Variants in CMTM7 observed in about 807,000 individuals in gnomAD.
CMTM7 encodes the protein CKLF like MARVEL transmembrane domain containing 7, also known as CKLF-like MARVEL transmembrane domain-containing protein 7.
In CMTM7, 7 loss-of-function variants were observed where a neutral mutation model predicts 19.3. The ratio of observed to expected loss-of-function variants is 0.36; its 90% CI spans 0.21 to 0.68. The LOEUF (loss-of-function observed/expected upper bound fraction) is 0.68, where lower values mean the gene tolerates loss of function less well. Ranked by LOEUF, CMTM7 falls within the 30% of genes least tolerant of loss-of-function variation. The pLI, the probability that CMTM7 is intolerant of heterozygous loss-of-function variation, is 0.60. For missense variants in CMTM7, 193 were observed against 232.6 expected (o/e 0.83, Z 1.11); for synonymous variants, 87 against 99.3 (o/e 0.88, Z 0.74).
Position 32,454,872 on chromosome 3 carries a change from G to T in CMTM7, c.*618G>T. 1 of 208,328 alleles carries T rather than the reference G, an allele frequency of 4.8e-6. No homozygotes were observed. Among genetic ancestry groups the T allele is most frequent in the South Asian group, 6.9e-5 (1 of 14,598 alleles). The allele number at this position is 208,328 out of a possible 1,614,324, so 12.9% of individuals were successfully genotyped here. ...AGGATTTCTTATTGAACCAGATGAA[G>T]GCTGTAAAACCTGGCCTGAAACAGT... On this transcript the variant is annotated 3_prime_UTR_variant, in exon 5 of 5. Coordinates refer to ENST00000334983, the MANE Select transcript of CMTM7 (RefSeq NM_138410.4).
At chr3:32,428,783 A>G (rs1696471200) in intron 1 of CMTM7, among the ~76,000 whole-genome samples, 2 of 152,170 alleles carry the variant, frequency 1.3e-5, no homozygotes, top group Admixed American at 6.5e-5. Context: ...ATTGCTCCAG[A>G]AGGTTTCTTC....
chr3:32,411,604 C>T (rs985180406), intron 1 of CMTM7, among the ~76,000 whole-genome samples: 17 of 152,212 alleles, frequency 1.1e-4, no homozygotes, highest in African/African-American at 3.9e-4. Flanking sequence ...TAAGTGACCC[C>T]CTGAGTCACT....
At chr3:32,396,276 T>G (rs1644298136) in intron 1 of CMTM7, among the ~76,000 whole-genome samples, 1 of 151,722 alleles carries the variant, frequency 6.6e-6, no homozygotes, top group Non-Finnish European at 1.5e-5. Flanking sequence ...GAGGCTGAGG[T>G]GGGTGGATCA....
chr3:32,404,162 C>CTT (rs5847761), intron 1 of CMTM7, among the ~76,000 whole-genome samples: 890 of 74,644 alleles, frequency 0.012, 25 homozygotes, highest in African/African-American at 0.034. Flanking sequence ...CTTTTTTTTT[C>CTT]TTTTTTTTTT....
In CMTM7 at chr3:32,427,834, G is replaced by A. The variant is rs533053538; in HGVS notation, c.160-14006G>A. 7.2e-5 allele frequency among the ~76,000 whole-genome samples: 11 copies of A among 152,320 alleles called. 1 individual carries two copies. Among genetic ancestry groups the A allele is most frequent in the South Asian group, 6.2e-4 (3 of 4,832 alleles). On this transcript the variant is annotated intron_variant, in intron 1 of 4. Coordinates refer to ENST00000334983, the MANE Select transcript of CMTM7 (RefSeq NM_138410.4). The stretch of plus-strand genomic sequence containing the variant: ...AGGGAGTTTGGGGCTATTCCTTGGC[G>A]TGATCTGTGAGCTTCATTTTGTGTG...
At chr3:32,402,653 C>G (rs958155990) in intron 1 of CMTM7, among the ~76,000 whole-genome samples, 2 of 152,100 alleles carry the variant, frequency 1.3e-5, no homozygotes, top group African/African-American at 4.8e-5. Context: ...ACCTTCGCCT[C>G]CTGGGTTCAA....
At position 32,392,397 on chromosome 3, in the gene CMTM7, TTCC is replaced by T. The variant is rs559361344; in HGVS notation, c.159+335_159+337del. ...CGGGCAAAGTTCCTTTTCGTCTTTC[TTCC>T]TCTTCTCTGGGCCGCGCCGCTTCGA... On this transcript the variant is annotated intron_variant, in intron 1 of 4. Coordinates refer to ENST00000334983, the MANE Select transcript of CMTM7 (RefSeq NM_138410.4). Among the ~76,000 whole-genome samples, 294 of 152,324 alleles carry T rather than the reference TTCC, an allele frequency of 1.9e-3. 1 individual carries two copies. Among genetic ancestry groups the T allele is most frequent in the African/African-American group, 6.8e-3 (282 of 41,584 alleles).
At chr3:32,420,214 CTT>C (rs1440184355) in intron 1 of CMTM7, among the ~76,000 whole-genome samples, 1 of 152,220 alleles carries the variant, frequency 6.6e-6, no homozygotes, top group Non-Finnish European at 1.5e-5. Context: ...GTCCATGTCT[CTT>C]TGTGGCCTCC....
chr3:32,428,510 C>A (rs917262729), intron 1 of CMTM7, among the ~76,000 whole-genome samples: 13 of 152,160 alleles, frequency 8.5e-5, no homozygotes, highest in Non-Finnish European at 7.3e-5. Flanking sequence ...GAGATTCAGG[C>A]AGGAAAGAGG....
At chr3:32,400,989 A>G (rs188177167) in intron 1 of CMTM7, among the ~76,000 whole-genome samples, 6 of 152,324 alleles carry the variant, frequency 3.9e-5, no homozygotes, top group African/African-American at 1.2e-4. Context: ...GCATAAAACA[A>G]TTCTCTAGAC....
intron 1 of CMTM7, among the ~76,000 whole-genome samples, chr3:32,411,495 G>C (rs1696174985): frequency 6.6e-6 from 1 of 152,124 alleles, no homozygotes; most frequent in Non-Finnish European, 1.5e-5. Context: ...TCAAGAGTGT[G>C]AGCCATGCAG....
chr3:32,423,065 T>G (rs1696368832), intron 1 of CMTM7, among the ~76,000 whole-genome samples: 1 of 152,186 alleles, frequency 6.6e-6, no homozygotes, highest in Non-Finnish European at 1.5e-5. Context: ...TGAGGTCAGC[T>G]GGGGATTGGC....
intron 1 of CMTM7, among the ~76,000 whole-genome samples, chr3:32,412,411 C>T (rs1404165955): frequency 2.6e-5 from 4 of 151,594 alleles, no homozygotes; most frequent in Non-Finnish European, 5.9e-5. Context: ...TGCTTGAACC[C>T]AGGAGGCAGA....
intron 1 of CMTM7, among the ~76,000 whole-genome samples, chr3:32,418,083 A>C (rs1696293356): frequency 6.6e-6 from 1 of 152,094 alleles, no homozygotes; most frequent in South Asian, 2.1e-4. Flanking sequence ...CAGCCTCCCA[A>C]AGTGCTGGGA....
intron 1 of CMTM7, among the ~76,000 whole-genome samples, chr3:32,427,479 G>A (rs1696450572): frequency 6.6e-6 from 1 of 152,180 alleles, no homozygotes. Flanking sequence ...GGGCAAGAGA[G>A]TGCTTCTTAG....
chr3:32,415,014 A>C (rs1327603606), intron 1 of CMTM7, among the ~76,000 whole-genome samples: 2 of 152,082 alleles, frequency 1.3e-5, no homozygotes, highest in Non-Finnish European at 2.9e-5. Context: ...TGTAGAGGCC[A>C]AGGTTGTCCA....
At chr3:32,419,157 C>T (rs1053430059) in intron 1 of CMTM7, among the ~76,000 whole-genome samples, 1 of 152,184 alleles carries the variant, frequency 6.6e-6, no homozygotes, top group African/African-American at 2.4e-5. Context: ...AAATAGTCCT[C>T]TCCTTTGTGT....
chr3:32,416,790 GT>G (rs1290171836), intron 1 of CMTM7, among the ~76,000 whole-genome samples: 1 of 152,064 alleles, frequency 6.6e-6, no homozygotes, highest in Non-Finnish European at 1.5e-5. Flanking sequence ...TTGCTTTAAG[GT>G]TTTTCTTTTG....
In CMTM7 at chr3:32,454,434, C is replaced by T. The variant is rs9848729; in HGVS notation, c.*180C>T. On this transcript the variant is annotated 3_prime_UTR_variant, in exon 5 of 5. Transcript: ENST00000334983. The stretch of plus-strand genomic sequence containing the variant: ...CAGCTCCCTGAGCTCCTGAGCCAGC[C>T]GGAAACTCTTCCTCCAGCCTTCCGG... 8,497 of 754,028 alleles carry T rather than the reference C, an allele frequency of 0.011. 98 individuals are homozygous for T. Among genetic ancestry groups the T allele is most frequent in the African/African-American group, 0.034 (1,995 of 58,144 alleles). 46.7% of individuals were successfully genotyped at this position (754,028 alleles called of 1,614,324 possible).
Sources: gnomAD v4.1 joint callset for allele counts (sites outside exome capture counted in the v4.1 genomes callset) on GRCh38, gnomAD v4.1.1 for gene constraint, MANE v1.5 for transcripts, NCBI Gene and HGNC (gene_info 2026-07-23, HGNC 2026-07-21) for gene names.